PPP2R5D: variants seen among roughly 807,000 people sequenced by gnomAD.
The protein encoded by PPP2R5D is protein phosphatase 2 regulatory subunit B'delta.
Under a neutral mutation model 79.1 loss-of-function variants are expected in PPP2R5D, and 12 were observed. That is an observed-to-expected ratio of 0.15 (90% confidence interval 0.10 to 0.25). PPP2R5D has a LOEUF of 0.25. PPP2R5D is among the 10% of genes least tolerant of loss of function. The pLI is 1.00. For synonymous variants in PPP2R5D, 277 were observed against 286.6 expected (o/e 0.97, Z 0.34); for missense variants, 419 against 760.2 (o/e 0.55, Z 5.28).
At position 43,010,664 on chromosome 6, in the gene PPP2R5D, G is replaced by A; in HGVS notation, c.1482G>A (p.Lys494=). ...CCCCAATCCTACTTTTGCTCCTCAG[G>A]GGCCGGTTCCGAATGAAGGAAAGGG... is the stretch of plus-strand genomic sequence containing the variant. ...CTQQYKAEKQ[K]GRFRMKEREE... is the part of the protein sequence containing the mutation. Residue 494 remains lysine (K), a splice_region_variant and synonymous_variant, in exon 14 of 16, where the codon AAG becomes AAA. Transcript: ENST00000485511. The surrounding 1 kb of genome is among the most constrained non-coding windows in gnomAD (Gnocchi z 4.7). The A allele has an allele frequency of 6.2e-7, 1 of 1,613,990 alleles. No homozygotes were observed. The highest frequency in any genetic ancestry group is 8.5e-7 in the Non-Finnish European group (1 of 1,179,940).
intron 2 of PPP2R5D, among the ~76,000 whole-genome samples, chr6:42,998,471 G>T (rs544428530): frequency 6.6e-6 from 1 of 152,214 alleles, no homozygotes; most frequent in South Asian, 2.1e-4. Context: ...TATGAGTGTC[G>T]TGTGGAAATT....
chr6:43,003,293 G>A (rs967438356), intron 2 of PPP2R5D, among the ~76,000 whole-genome samples: 2 of 152,040 alleles, frequency 1.3e-5, no homozygotes, highest in African/African-American at 2.4e-5. Flanking sequence ...ATGGTGGCGG[G>A]TGCCTGTAAT....
chr6:42,998,490 C>T (rs1333967624), intron 2 of PPP2R5D, among the ~76,000 whole-genome samples: 2 of 152,002 alleles, frequency 1.3e-5, no homozygotes, highest in Non-Finnish European at 2.9e-5. Context: ...TTCACAGTGC[C>T]ACTTGATTGC....
chr6:43,009,403 A>G lies in PPP2R5D; in HGVS notation c.1333A>G (p.Ile445Val). Residue 445 changes from isoleucine to valine, a missense_variant, in exon 12 of 16, where the codon ATC becomes GTC. By Grantham distance (29) the Ile-to-Val change is conservative (BLOSUM62 3). Transcript: ENST00000485511. The surrounding 1 kb of genome is among the most constrained non-coding windows in gnomAD (Gnocchi z 5.6). ...TGACAATGCTGCCCGAGTCCTCCCCATCATGTTCCCTGCACTCTACAGGAA... is the reference window on the plus strand; with the variant it reads ...TGACAATGCTGCCCGAGTCCTCCCCGTCATGTTCCCTGCACTCTACAGGAA... Reference protein sequence around the residue: ...ISDNAARVLPIMFPALYRNSK... With the variant: ...ISDNAARVLPVMFPALYRNSK... 6.2e-7 allele frequency: 1 copy of G among 1,614,118 alleles called. No homozygotes were observed. Among genetic ancestry groups the G allele is most frequent in the Non-Finnish European group, 8.5e-7 (1 of 1,180,026 alleles).
At chr6:42,994,633 C>T (rs1459708745) in intron 2 of PPP2R5D, among the ~76,000 whole-genome samples, 6 of 152,034 alleles carry the variant, frequency 3.9e-5, no homozygotes, top group African/African-American at 1.4e-4. Flanking sequence ...GGTGAAACCC[C>T]ATCTCTACTA....
At position 42,989,667 on chromosome 6, in the gene PPP2R5D, T is replaced by C. The variant is rs759434552; in HGVS notation, c.84T>C (p.Gly28=). 1.2e-6 allele frequency: 2 copies of C among 1,613,690 alleles called. No homozygotes were observed. Among genetic ancestry groups the C allele is most frequent in the African/African-American group, 2.7e-5 (2 of 74,910 alleles). The change falls in exon 2 of 16, where the codon GGT becomes GGC. Residue 28 remains glycine, a synonymous_variant. Coordinates refer to ENST00000485511, the MANE Select transcript of PPP2R5D (RefSeq NM_006245.4). The part of the protein sequence containing the change: ...TAKPSSSGKD[G]GGENTEEAQP... ...AGCCTAGCAGCTCGGGCAAGGATGG[T>C]GGAGGCGAGAACACTGAGGAGGTAA...
rs1017381130 is a variant in PPP2R5D, at chr6:43,010,010, A to G, written c.1380-458A>G. Among the ~76,000 whole-genome samples, 1 of 152,156 alleles carries G rather than the reference A, an allele frequency of 6.6e-6. No individual in the cohort carries two copies. Among genetic ancestry groups the G allele is most frequent in the African/African-American group, 2.4e-5 (1 of 41,436 alleles). Reference sequence around the variant, plus strand: ...CTTGAACCTGGGAGGTGACGGTTGCAGTGAGCCGAGATCGTGCCACTGCAC... The same window carrying G: ...CTTGAACCTGGGAGGTGACGGTTGCGGTGAGCCGAGATCGTGCCACTGCAC... On this transcript the variant is annotated intron_variant, in intron 12 of 15. Coordinates refer to ENST00000485511, the MANE Select transcript of PPP2R5D (RefSeq NM_006245.4). The surrounding 1 kb of genome is among the most constrained non-coding windows in gnomAD (Gnocchi z 4.7).
chr6:43,000,180 C>T (rs1772079299), intron 2 of PPP2R5D, among the ~76,000 whole-genome samples: 1 of 150,912 alleles, frequency 6.6e-6, no homozygotes, highest in Non-Finnish European at 1.5e-5. Flanking sequence ...CTGATCTAGC[C>T]ACCTTGGCCT....
chr6:42,999,141 G>GA (rs1322423927), intron 2 of PPP2R5D, among the ~76,000 whole-genome samples: 1 of 151,992 alleles, frequency 6.6e-6, no homozygotes, highest in Non-Finnish European at 1.5e-5. Flanking sequence ...CCCCTGCTTT[G>GA]ATGGCTGCAG....
Position 42,989,767 on chromosome 6 carries a change from C to T in PPP2R5D, c.105+79C>T. 3 of 1,387,692 alleles carry T rather than the reference C, an allele frequency of 2.2e-6. 1 individual carries two copies. The Admixed American group carries it at 5.7e-5, about 26-fold the overall frequency. 86.0% of individuals were successfully genotyped at this position (1,387,692 alleles called of 1,614,324 possible). On this transcript the variant is annotated intron_variant, in intron 2 of 15. Transcript: ENST00000485511. ...ATGATGGCTAGTTGGGTAGGGGATC[C>T]CAGGGGGTGAGGCAGAAGGGAAGGC...
chr6:42,992,101 C>A (rs774368230), intron 2 of PPP2R5D, among the ~76,000 whole-genome samples: 1 of 142,860 alleles, frequency 7.0e-6, no homozygotes, highest in Non-Finnish European at 1.5e-5. Context: ...GCTCTGTCGC[C>A]CAGGCTGGAG....
At position 43,008,864 on chromosome 6, in the gene PPP2R5D, A is replaced by C. The variant is rs1472157295; in HGVS notation, c.1080+118A>C. 7.6e-7 allele frequency: 1 copy of C among 1,313,938 alleles called. No homozygotes were observed. The highest frequency in any genetic ancestry group is 1.5e-5 in the African/African-American group (1 of 67,784). The allele number at this position is 1,313,938 out of a possible 1,614,324, so 81.4% of individuals were successfully genotyped here. On this transcript the variant is annotated intron_variant, in intron 10 of 15. Transcript: ENST00000485511. The surrounding 1 kb of genome is among the most constrained non-coding windows in gnomAD (Gnocchi z 4.2). ...GGAGGGCTGTGACCTGACCGGTAAC[A>C]TGGTTTCCTCTCTGAAGGGGAAGCA...
intron 15 of PPP2R5D, 48 bp from the exon 16 acceptor site, chr6:43,011,101 C>A: frequency 6.2e-7 from 1 of 1,613,042 alleles, no homozygotes; most frequent in Non-Finnish European, 8.5e-7. Flanking sequence ...CAATAGAATT[C>A]ACTGGGAATT....
intron 2 of PPP2R5D, among the ~76,000 whole-genome samples, chr6:43,005,168 G>T (rs1581847228): frequency 8.3e-5 from 11 of 132,212 alleles, no homozygotes; most frequent in East Asian, 2.3e-4. Flanking sequence ...CTTTTTGCCT[G>T]GCTACCTCTG....
At position 43,006,332 on chromosome 6, in the gene PPP2R5D, C is replaced by G. The variant is rs1399660770; in HGVS notation, c.106-131C>G. The G allele has an allele frequency of 4.2e-6, 6 of 1,444,550 alleles. No individual in the cohort carries two copies. The African/African-American group carries it at 5.7e-5, about 14-fold the overall frequency. The allele number at this position is 1,444,550 out of a possible 1,614,324, so 89.5% of individuals were successfully genotyped here. A position where few individuals can be genotyped will look rare whatever the true frequency, so the allele number is the denominator to read the frequency against. ...GTTATCTCTGTAACCCTGGCCTTAG[C>G]TCCTTCGGGGCAGGAGACAGCTGCT... On this transcript the variant is annotated intron_variant, in intron 2 of 15. Coordinates refer to ENST00000485511, the MANE Select transcript of PPP2R5D (RefSeq NM_006245.4). The surrounding 1 kb of genome is among the most constrained non-coding windows in gnomAD (Gnocchi z 4.7).
In PPP2R5D at chr6:43,010,349, C is replaced by G; in HGVS notation, c.1380-119C>G. ...CTGATACTGCACAGAGGTTTGTGAA[C>G]TGGAAGTAGTAAATGACAAAGCTCT... is the stretch of plus-strand genomic sequence containing the variant. On this transcript the variant is annotated intron_variant, in intron 12 of 15. Transcript: ENST00000485511. The surrounding 1 kb of genome is among the most constrained non-coding windows in gnomAD (Gnocchi z 4.7). The G allele has an allele frequency of 5.1e-6, 4 of 785,794 alleles. No individual in the cohort carries two copies. The highest frequency in any genetic ancestry group is 8.6e-6 in the Non-Finnish European group (4 of 463,210). 48.7% of individuals were successfully genotyped at this position (785,794 alleles called of 1,614,324 possible).
rs1265667293 is a variant in PPP2R5D at position 42,984,645 on chromosome 6, C to G, written c.-33C>G. ...AGCAAAGCCGGAGCCGGAGCGGGGC[C>G]GCAGGAGACGGGCCGGGTCCGGACG... On this transcript the variant is annotated 5_prime_UTR_variant, in exon 1 of 16. Coordinates refer to ENST00000485511, the MANE Select transcript of PPP2R5D (RefSeq NM_006245.4). The G allele has an allele frequency of 1.3e-6, 2 of 1,587,612 alleles. No homozygotes were observed. Among genetic ancestry groups the G allele is most frequent in the African/African-American group, 1.4e-5 (1 of 73,790 alleles).
At position 43,007,483 on chromosome 6, in the gene PPP2R5D, A is replaced by G. The variant is rs149677026; in HGVS notation, c.703A>G (p.Ile235Val). The G allele has an allele frequency of 1.1e-5, 18 of 1,612,712 alleles. No homozygotes were observed. The African/African-American group carries it at 1.7e-4, about 16-fold the overall frequency. ...CCAGCCAAACATAGCCAAGAAGTACATCGACCAGAAGTTTGTACTTGCTGT... is the reference window on the plus strand; with the variant it reads ...CCAGCCAAACATAGCCAAGAAGTACGTCGACCAGAAGTTTGTACTTGCTGT... ...DFQPNIAKKY[I>V]DQKFVLALLD... The change falls in exon 6 of 16, where the codon ATC (isoleucine) becomes GTC (valine). Residue 235 changes from isoleucine to valine, a missense_variant. This residue lies in a region of PPP2R5D where 196 missense variants were observed against 424.5 expected (regional missense o/e 0.46). Coordinates refer to ENST00000485511, the MANE Select transcript of PPP2R5D (RefSeq NM_006245.4). The surrounding 1 kb of genome is among the most constrained non-coding windows in gnomAD (Gnocchi z 4.5).
chr6:43,007,422 TGAGTTCTTCTTA>T lies in PPP2R5D; in HGVS notation c.643_654del (p.Glu215_Leu218del). On this transcript the variant is annotated inframe_deletion, in exon 6 of 16. Transcript: ENST00000485511. The surrounding 1 kb of genome is among the most constrained non-coding windows in gnomAD (Gnocchi z 4.5). ...TGCCTTTTCCCCTATAGCTCGTGTA[TGAGTTCTTCTTA>T]CGTTTCCTTGAGTCTCCTGATTTCC... 1 of 1,612,192 alleles carries T rather than the reference TGAGTTCTTCTTA, an allele frequency of 6.2e-7. No individual in the cohort carries two copies. The highest frequency in any genetic ancestry group is 8.5e-7 in the Non-Finnish European group (1 of 1,178,168).
Sources: gnomAD v4.1 joint callset for allele counts (sites outside exome capture counted in the v4.1 genomes callset) on GRCh38, gnomAD v4.1.1 for gene constraint, gnomAD v4.1.1 regional missense constraint, Gnocchi (gnomAD v3.1) non-coding constraint, MANE v1.5 for transcripts, NCBI Gene and HGNC (gene_info 2026-07-23, HGNC 2026-07-21) for gene names.